WDR35: variants seen among roughly 807,000 people sequenced by gnomAD.
WDR35 encodes WD repeat domain 35.
In WDR35, 118 loss-of-function variants were observed where a neutral mutation model predicts 158.3. The observed-to-expected ratio is 0.75, with a 90% CI of 0.64 to 0.87. The LOEUF (loss-of-function observed/expected upper bound fraction) is 0.87. WDR35 is among the 40% of genes least tolerant of loss of function. The probability of loss-of-function intolerance (pLI) is 0.00; values close to 1 mark genes in which losing one functional copy is unlikely to be tolerated. For synonymous variants in WDR35, 448 were observed against 476.1 expected (o/e 0.94, Z 0.77); for missense variants, 1,263 against 1,405.8 (o/e 0.90, Z 1.62).
chr2:19,920,606 A>C (rs1670139868), intron 25 of WDR35, among the ~76,000 whole-genome samples: 1 of 152,240 alleles, frequency 6.6e-6, no homozygotes, highest in Non-Finnish European at 1.5e-5. Flanking sequence ...ATTTATGACA[A>C]ACCCACAGCC....
chr2:19,974,246 G>A (rs772124203), intron 7 of WDR35, among the ~76,000 whole-genome samples: 20 of 151,608 alleles, frequency 1.3e-4, no homozygotes, highest in Non-Finnish European at 2.4e-4. Flanking sequence ...CCGTCTCTAC[G>A]AAAAATATAA....
intron 16 of WDR35, among the ~76,000 whole-genome samples, chr2:19,942,713 C>T (rs909231064): frequency 6.6e-6 from 1 of 151,822 alleles, no homozygotes; most frequent in East Asian, 1.9e-4. Flanking sequence ...ATTATTAATG[C>T]ATAAGTAAAT....
At position 19,938,416 on chromosome 2, in the gene WDR35, GA is replaced by G; in HGVS notation, c.1927-16del. Reference sequence around the variant, plus strand: ...TGTTCTGGATCCTAAAAGTAAAGATGAAAACAAAAAAATTCAAATATTTGCC... The same window carrying G: ...TGTTCTGGATCCTAAAAGTAAAGATGAAACAAAAAAATTCAAATATTTGCC... On this transcript the variant is annotated splice_polypyrimidine_tract_variant and intron_variant, in intron 17 of 26. Transcript: ENST00000281405. 1 of 1,609,750 alleles carries G rather than the reference GA, an allele frequency of 6.2e-7. No homozygotes were observed. Among genetic ancestry groups the G allele is most frequent in the Non-Finnish European group, 8.5e-7 (1 of 1,178,238 alleles).
Position 19,930,534 on chromosome 2 carries a change from C to T in WDR35, c.2983G>A (p.Gly995Ser). ...KSSEATSALA[G>S]LLEEEVLSTT... ...GACAGAACTTCTTCTTCCAGCAAAC[C>T]AGCCAAGGCAGAAGTGGCCTACGAG... The change falls in exon 25 of 27, where the codon GGT becomes AGT. Residue 995 changes from glycine to serine, a missense_variant. Coordinates refer to ENST00000281405, the MANE Select transcript of WDR35 (RefSeq NM_020779.4). 1 of 1,614,096 alleles carries T rather than the reference C, an allele frequency of 6.2e-7. No individual in the cohort carries two copies. Among genetic ancestry groups the T allele is most frequent in the Non-Finnish European group, 8.5e-7 (1 of 1,180,012 alleles).
Position 19,913,541 on chromosome 2 carries a change from T to C in WDR35, c.*17A>G. 2 of 1,613,988 alleles carry C rather than the reference T, an allele frequency of 1.2e-6. No individual in the cohort carries two copies. Among genetic ancestry groups the C allele is most frequent in the East Asian group, 2.2e-5 (1 of 44,866 alleles). On this transcript the variant is annotated 3_prime_UTR_variant, in exon 27 of 27. Coordinates refer to ENST00000281405, the MANE Select transcript of WDR35 (RefSeq NM_020779.4). ...ATGCTACATATATTTTACAGTTATA[T>C]ACAGTTTATCATTCCTTTATCCCAC...
At chr2:19,919,621 A>G (rs1016246791) in intron 25 of WDR35, among the ~76,000 whole-genome samples, 4 of 152,192 alleles carry the variant, frequency 2.6e-5, no homozygotes, top group Admixed American at 2.0e-4. Context: ...AAATGCCCAC[A>G]TGGGAAAGCA....
intron 9 of WDR35, 55 bp downstream of exon 9, chr2:19,969,425 G>T: frequency 6.4e-7 from 1 of 1,560,242 alleles, no homozygotes; most frequent in Non-Finnish European, 8.7e-7. Flanking sequence ...TTGAGCTATA[G>T]CAAAATTATT....
Position 19,935,563 on chromosome 2 carries a change from C to T in WDR35, c.2455G>A (p.Glu819Lys), listed in dbSNP as rs768049606. ...ATATAGTAACATTCAGCTAAGCGTTCCTGGTTCCGTCCTTGTACATAATAT... is the reference window on the plus strand; with the variant it reads ...ATATAGTAACATTCAGCTAAGCGTTTCTGGTTCCGTCCTTGTACATAATAT... ...VQYYVQGRNQ[E>K]RLAECYYMLE... The change falls in exon 21 of 27, where the codon GAA becomes AAA. Residue 819 changes from glutamate to lysine, a missense_variant. Physicochemically the swap from Glu to Lys is moderately conservative, Grantham distance 56. Coordinates refer to ENST00000281405, the MANE Select transcript of WDR35 (RefSeq NM_020779.4). 3.1e-6 allele frequency: 5 copies of T among 1,613,080 alleles called. No individual in the cohort carries two copies. The highest frequency in any genetic ancestry group is 4.2e-6 in the Non-Finnish European group (5 of 1,179,632).
chr2:19,984,317 T>A (rs1276330050), intron 2 of WDR35, among the ~76,000 whole-genome samples: 2 of 152,174 alleles, frequency 1.3e-5, no homozygotes, highest in Non-Finnish European at 2.9e-5. Context: ...AGTTCTCAGA[T>A]GTCCATAAAA....
At chr2:19,982,136 C>T (rs957359428) in intron 3 of WDR35, among the ~76,000 whole-genome samples, 1 of 152,060 alleles carries the variant, frequency 6.6e-6, no homozygotes, top group Non-Finnish European at 1.5e-5. Context: ...ACTTTTAGTA[C>T]AGAAATCAAT....
intron 17 of WDR35, among the ~76,000 whole-genome samples, chr2:19,941,357 G>A (rs770428682): frequency 2.6e-5 from 4 of 152,018 alleles, no homozygotes; most frequent in South Asian, 2.1e-4. Context: ...CTAGAAAAAG[G>A]CTAAACTCTT....
intron 2 of WDR35, among the ~76,000 whole-genome samples, chr2:19,987,093 T>C (rs1280212482): frequency 2.6e-5 from 4 of 152,204 alleles, no homozygotes; most frequent in East Asian, 3.8e-4. Context: ...AATGGTGCCA[T>C]AGAAGATGAT....
At chr2:19,919,166 G>T (rs2103383973) in intron 25 of WDR35, among the ~76,000 whole-genome samples, 1 of 152,130 alleles carries the variant, frequency 6.6e-6, no homozygotes, top group Non-Finnish European at 1.5e-5. Context: ...GGGTCACGAG[G>T]TCAGGAGATT....
intron 17 of WDR35, among the ~76,000 whole-genome samples, chr2:19,940,652 G>T (rs1670843402): frequency 6.6e-6 from 1 of 152,046 alleles, no homozygotes; most frequent in South Asian, 2.1e-4. Context: ...CCTCACATGG[G>T]GCAAGCTAAT....
chr2:19,935,718 T>C, intron 20 of WDR35, 115 bp from the exon 21 acceptor site: 4 of 1,215,804 alleles, frequency 3.3e-6, no homozygotes, highest in Admixed American at 4.8e-5. Flanking sequence ...TTACTGTTCA[T>C]TATCTTCAGC....
chr2:19,927,497 G>A (rs1670392161), intron 25 of WDR35, among the ~76,000 whole-genome samples: 1 of 152,168 alleles, frequency 6.6e-6, no homozygotes, highest in Non-Finnish European at 1.5e-5. Context: ...TCAACAAAAT[G>A]TTCAGGTGGT....
chr2:19,938,759 T>C (rs1412289083), intron 17 of WDR35, among the ~76,000 whole-genome samples: 1 of 152,160 alleles, frequency 6.6e-6, no homozygotes, highest in Admixed American at 6.5e-5. Flanking sequence ...AGCTGTACTA[T>C]TTACGGTATT....
At chr2:19,980,565 C>T in intron 4 of WDR35, 126 bp downstream of exon 4, 1 of 752,428 alleles carries the variant, frequency 1.3e-6, no homozygotes, top group Non-Finnish European at 2.3e-6. Context: ...TATCACTGTG[C>T]AGTCAGGATG....
intron 10 of WDR35, among the ~76,000 whole-genome samples, chr2:19,965,555 T>C (rs1315229269): frequency 1.3e-5 from 2 of 152,212 alleles, no homozygotes; most frequent in Non-Finnish European, 2.9e-5. Context: ...TGGCTGCCAG[T>C]GTTCTGGGAA....
Sources: gnomAD v4.1 joint callset for allele counts (sites outside exome capture counted in the v4.1 genomes callset) on GRCh38, gnomAD v4.1.1 for gene constraint, MANE v1.5 for transcripts, NCBI Gene and HGNC (gene_info 2026-07-23, HGNC 2026-07-21) for gene names.